KALRN: variants seen among roughly 807,000 people sequenced by gnomAD.
KALRN encodes the protein kalirin.
A neutral mutation model predicts 353.7 loss-of-function variants in KALRN; 70 were observed. That is an observed-to-expected ratio of 0.20 (90% CI 0.16 to 0.24). The LOEUF (loss-of-function observed/expected upper bound fraction) is 0.24, where lower values mean the gene tolerates loss of function less well. Among genes scored for constraint, KALRN ranks in the 10% least tolerant of loss-of-function variants. The pLI is 1.00. For synonymous variants in KALRN, 1,391 were observed against 1,434.8 expected, an observed-to-expected ratio of 0.97 and a Z score of 0.69; for missense variants, 2,791 against 3,756.7, an observed-to-expected ratio of 0.74 and a Z score of 6.72.
At chr3:124,615,947 G>C (rs1231405476) in intron 34 of KALRN, among the ~76,000 whole-genome samples, 2 of 152,196 alleles carry the variant, frequency 1.3e-5, no homozygotes, top group Admixed American at 1.3e-4. Context: ...ACTTGGCACA[G>C]GTGGTTGGGA....
At chr3:124,623,144 CCTTTT>C (rs1287150332) in intron 34 of KALRN, among the ~76,000 whole-genome samples, 1 of 146,204 alleles carries the variant, frequency 6.8e-6, no homozygotes, top group Non-Finnish European at 1.5e-5. Context: ...TTCTTTCTTT[CCTTTT>C]CTTTTCTTTG....
At chr3:124,690,796 C>A (rs1028391071) in intron 51 of KALRN, among the ~76,000 whole-genome samples, 2 of 152,204 alleles carry the variant, frequency 1.3e-5, no homozygotes, top group African/African-American at 4.8e-5. Context: ...TTCAAGTAAT[C>A]CGCCCGCCTG....
chr3:124,666,450 G>T lies in KALRN; in HGVS notation c.6347G>T (p.Gly2116Val), dbSNP rs1325890592. 1 of 1,613,736 alleles carries T rather than the reference G, an allele frequency of 6.2e-7. No homozygotes were observed. Among genetic ancestry groups the T allele is most frequent in the African/African-American group, 1.3e-5 (1 of 74,936 alleles). Residue 2116 changes from glycine (G) to valine (V), a missense_variant and splice_region_variant, in exon 46 of 60, where the codon GGC (glycine) becomes GTC (valine). Transcript: ENST00000682506. ...CACCCCAGCCCGTCTTTCCTTCAGG[G>T]CACTCTGACTGCTCAGGGGAAGCTG... ...MNLGRLQGFE[G>V]TLTAQGKLLQ...
intron 10 of KALRN, among the ~76,000 whole-genome samples, chr3:124,371,175 G>A (rs919057758): frequency 1.1e-4 from 16 of 152,166 alleles, no homozygotes; most frequent in South Asian, 4.1e-4. Context: ...ACTACTTCCT[G>A]TTCAGGTATG....
intron 1 of KALRN, among the ~76,000 whole-genome samples, chr3:124,140,194 C>T (rs983826477): frequency 2.0e-5 from 3 of 152,174 alleles, no homozygotes; most frequent in Non-Finnish European, 4.4e-5. Context: ...ATGCCCCTCT[C>T]CTCCTCTCCA....
chr3:124,109,035 C>A (rs934752551), intron 1 of KALRN, among the ~76,000 whole-genome samples: 1 of 152,176 alleles, frequency 6.6e-6, no homozygotes, highest in Non-Finnish European at 1.5e-5. Flanking sequence ...TCTCCTTCTC[C>A]TGCTTCTCTT....
Position 124,644,083 on chromosome 3 carries a change from C to T in KALRN, c.5665-6725C>T, listed in dbSNP as rs555773142. ...TAGGTCTCTAGACCTGTTCATGCTA[C>T]AGATTTGCTACTTTGTATCCTTTGA... On this transcript the variant is annotated intron_variant, in intron 37 of 59. Coordinates refer to ENST00000682506, the MANE Select transcript of KALRN (RefSeq NM_001388419.1). 3.3e-5 allele frequency among the ~76,000 whole-genome samples: 5 copies of T among 152,326 alleles called. No homozygotes were observed. The East Asian group carries it at 5.8e-4, about 18-fold the overall frequency.
intron 6 of KALRN, among the ~76,000 whole-genome samples, chr3:124,308,472 AC>A (rs2077923032): frequency 6.6e-6 from 1 of 152,026 alleles, no homozygotes; most frequent in Non-Finnish European, 1.5e-5. Flanking sequence ...CCAGATATTT[AC>A]CCCATCACAA....
intron 34 of KALRN, among the ~76,000 whole-genome samples, chr3:124,593,674 A>C (rs918886492): frequency 1.3e-5 from 2 of 152,114 alleles, no homozygotes; most frequent in East Asian, 1.9e-4. Context: ...TCTTGGTTTG[A>C]GACATTGTAG....
intron 5 of KALRN, among the ~76,000 whole-genome samples, chr3:124,289,525 G>C: frequency 6.6e-6 from 1 of 152,086 alleles, no homozygotes; most frequent in East Asian, 1.9e-4. Context: ...GGTGATTATG[G>C]CATCTGTTAC....
intron 25 of KALRN, among the ~76,000 whole-genome samples, chr3:124,466,163 G>A (rs1471898404): frequency 1.3e-5 from 2 of 151,996 alleles, no homozygotes; most frequent in African/African-American, 4.8e-5. Context: ...TTAAAGAACA[G>A]TTTAATATGT....
Position 124,442,017 on chromosome 3 carries a change from A to C in KALRN, c.3271A>C (p.Ser1091Arg). 1 of 1,607,084 alleles carries C rather than the reference A, an allele frequency of 6.2e-7. No individual in the cohort carries two copies. The highest frequency in any genetic ancestry group is 8.5e-7 in the Non-Finnish European group (1 of 1,174,840). ...YIHRNNVSMP[S>R]VASHTRGPEQ... Reference sequence around the variant, plus strand: ...CCACAGGAACAACGTCAGCATGCCCAGTGTCGCCAGCCACACTCGGGGACC... The same window carrying C: ...CCACAGGAACAACGTCAGCATGCCCCGTGTCGCCAGCCACACTCGGGGACC... Residue 1091 changes from serine to arginine, a missense_variant, in exon 19 of 60, where the codon AGT (serine) becomes CGT (arginine). This residue lies in a region of KALRN where 268 missense variants were observed against 347.0 expected (regional missense o/e 0.77). Transcript: ENST00000682506.
At chr3:124,361,651 T>C (rs2149687943) in intron 10 of KALRN, among the ~76,000 whole-genome samples, 1 of 152,322 alleles carries the variant, frequency 6.6e-6, no homozygotes. Flanking sequence ...GCATTCGGAA[T>C]TTCTTCCCAA....
chr3:124,282,568 G>A (rs1327402205), intron 5 of KALRN, among the ~76,000 whole-genome samples: 1 of 151,846 alleles, frequency 6.6e-6, no homozygotes, highest in Admixed American at 6.6e-5. Flanking sequence ...GTAGAGATGG[G>A]GTTTCTCCAT....
chr3:124,165,870 G>A (rs902391926), intron 1 of KALRN, among the ~76,000 whole-genome samples: 4 of 152,116 alleles, frequency 2.6e-5, no homozygotes, highest in Middle Eastern at 3.4e-3. Flanking sequence ...TGCTCTCCCT[G>A]AACCATGGCC....
chr3:124,265,884 G>A (rs2073471645), intron 4 of KALRN, among the ~76,000 whole-genome samples: 1 of 152,196 alleles, frequency 6.6e-6, no homozygotes, highest in Non-Finnish European at 1.5e-5. Context: ...GGGAGGCTGA[G>A]GAGGGTGGAT....
intron 14 of KALRN, among the ~76,000 whole-genome samples, chr3:124,419,643 C>T (rs775569846): frequency 2.0e-5 from 3 of 152,062 alleles, no homozygotes; most frequent in Non-Finnish European, 4.4e-5. Flanking sequence ...ATGGCTCTGG[C>T]GTCAAGAAGC....
chr3:124,149,198 A>G (rs554354355), intron 1 of KALRN, among the ~76,000 whole-genome samples: 8 of 152,212 alleles, frequency 5.3e-5, no homozygotes, highest in East Asian at 1.9e-4. Flanking sequence ...CAAACTGACT[A>G]TGTTCATGAA....
chr3:124,482,941 G>T, intron 28 of KALRN, 41 bp downstream of exon 28: 2 of 1,367,304 alleles, frequency 1.5e-6, no homozygotes, highest in Non-Finnish European at 1.0e-6. Context: ...ACTGCCTACT[G>T]CCTGGGGCAA....
Sources: gnomAD v4.1 joint callset for allele counts (sites outside exome capture counted in the v4.1 genomes callset) on GRCh38, gnomAD v4.1.1 for gene constraint, gnomAD v4.1.1 regional missense constraint, MANE v1.5 for transcripts, NCBI Gene and HGNC (gene_info 2026-07-23, HGNC 2026-07-21) for gene names.